Variants in SHROOM4 observed in about 807,000 individuals in gnomAD.
SHROOM4 encodes the protein shroom family member 4.
SHROOM4 carries 17 observed loss-of-function variants against 80.3 expected under a neutral mutation model. That is an observed-to-expected ratio of 0.21 (90% CI 0.14 to 0.32). SHROOM4 has a LOEUF of 0.32. SHROOM4 is among the 10% of genes least tolerant of loss of function. The pLI is 1.00. For missense variants in SHROOM4, 993 were observed against 1,140.3 expected (o/e 0.87, Z 1.86); for synonymous variants, 400 against 437.5 (o/e 0.91, Z 1.07).
chrX:50,711,984 T>G (rs1400278913), intron 1 of SHROOM4, among the ~76,000 whole-genome samples: 3 of 112,173 alleles, frequency 2.7e-5, no homozygotes, highest in African/African-American at 9.7e-5. Flanking sequence ...TGAAACCTGT[T>G]TCCTTATTTG....
In SHROOM4 at chrX:50,617,460, A is replaced by G. The variant is rs782657613; in HGVS notation, c.2958-9276T>C. Among the ~76,000 whole-genome samples, 9 of 111,721 alleles carry G rather than the reference A, an allele frequency of 8.1e-5. No homozygotes were observed. In the East Asian group the frequency reaches 1.7e-3, roughly 21 times the overall value. ...ACTAGCCAGGAGGCCCTAGTTTACT[A>G]AGGAGTTTAAGCCTGGACTCATTCA... On this transcript the variant is annotated intron_variant, in intron 5 of 8. Transcript: ENST00000376020.
At chrX:50,635,943 C>T (rs903434229) in intron 3 of SHROOM4, among the ~76,000 whole-genome samples, 1 of 110,896 alleles carries the variant, frequency 9.0e-6, no homozygotes, top group Non-Finnish European at 1.9e-5. Context: ...CCTCTATTTC[C>T]CTGACATTAG....
intron 1 of SHROOM4, among the ~76,000 whole-genome samples, chrX:50,812,155 T>TGG (rs1267481922): frequency 9.3e-6 from 1 of 107,479 alleles, no homozygotes; most frequent in Non-Finnish European, 1.9e-5. Flanking sequence ...GGAAATTCTG[T>TGG]GGGCGGTGTG....
chrX:50,774,673 GAA>G (rs370357194), intron 1 of SHROOM4, among the ~76,000 whole-genome samples: 4,443 of 66,909 alleles, frequency 0.066, 130 homozygotes, highest in African/African-American at 0.13. Flanking sequence ...GAAAGATTTA[GAA>G]AAAAAAAAAA....
chrX:50,598,280 C>A lies in SHROOM4; in HGVS notation c.4198G>T (p.Ala1400Ser). 1 of 1,211,706 alleles carries A rather than the reference C, an allele frequency of 8.3e-7. No homozygotes were observed. Among genetic ancestry groups the A allele is most frequent in the Non-Finnish European group, 1.1e-6 (1 of 895,534 alleles). The change falls in exon 8 of 9, where the codon GCC becomes TCC. Residue 1400 changes from alanine to serine, a missense_variant. Transcript: ENST00000376020. ...CCCAACTCTACCTTCTCCTGGTTGG[C>A]CTCTGAATCGATGCTGTTCAGAGCA... is the stretch of plus-strand genomic sequence containing the variant. ...ENALNSIDSE[A>S]NQEKLVLIEK... is the part of the protein sequence containing the mutation.
At chrX:50,653,550 C>G (rs887204505) in intron 2 of SHROOM4, among the ~76,000 whole-genome samples, 2 of 111,264 alleles carry the variant, frequency 1.8e-5, no homozygotes, top group Admixed American at 9.6e-5. Flanking sequence ...ATTTGAATAC[C>G]CTTTATTTCC....
At chrX:50,689,913 C>T (rs1435619973) in intron 2 of SHROOM4, among the ~76,000 whole-genome samples, 1 of 111,683 alleles carries the variant, frequency 9.0e-6, no homozygotes, top group Non-Finnish European at 1.9e-5. Flanking sequence ...TTTCTTAGAG[C>T]AGTCTGTCAG....
At chrX:50,581,195 A>G in the SHROOM4 span, among the ~76,000 whole-genome samples, 1 of 112,485 alleles carries the variant, frequency 8.9e-6, no homozygotes, top group African/African-American at 3.2e-5. Context: ...GCAGTGTGAT[A>G]GTACTTGGGA....
At chrX:50,735,518 G>C (rs1236083506) in intron 1 of SHROOM4, among the ~76,000 whole-genome samples, 1 of 111,307 alleles carries the variant, frequency 9.0e-6, no homozygotes, top group Non-Finnish European at 1.9e-5. Context: ...ACACTATAAA[G>C]TGAAAAGGCA....
At chrX:50,731,782 T>C (rs782628912) in intron 1 of SHROOM4, among the ~76,000 whole-genome samples, 58 of 111,879 alleles carry the variant, frequency 5.2e-4, no homozygotes, top group African/African-American at 1.9e-3. Flanking sequence ...TAAAAATGGA[T>C]AGCTACTAAT....
Position 50,653,279 on chromosome X carries a change from G to A in SHROOM4, c.270-14971C>T, listed in dbSNP as rs191204807. Among the ~76,000 whole-genome samples the A allele has an allele frequency of 8.9e-4, 99 of 110,858 alleles. 1 individual carries two copies. The highest frequency in any genetic ancestry group is 2.1e-3 in the Admixed American group (22 of 10,383). ...TTTGTAGTTCTCCTTGAGGTCCTTC[G>A]CATCCCTTGTAAGTTGTATTCCTAG... On this transcript the variant is annotated intron_variant, in intron 2 of 8. Transcript: ENST00000376020.
chrX:50,715,988 G>A (rs1933940503), intron 1 of SHROOM4, among the ~76,000 whole-genome samples: 1 of 110,555 alleles, frequency 9.0e-6, no homozygotes, highest in African/African-American at 3.3e-5. Flanking sequence ...TAAAGAAAAT[G>A]TGGTAGATAT....
chrX:50,611,737 T>C (rs1465147878), intron 5 of SHROOM4, among the ~76,000 whole-genome samples: 1 of 110,288 alleles, frequency 9.1e-6, no homozygotes, highest in East Asian at 2.9e-4. Flanking sequence ...CTGTCCAACA[T>C]GGTAAAACCC....
At chrX:50,695,765 G>A in intron 2 of SHROOM4, 21 bp downstream of exon 2, 1 of 1,210,555 alleles carries the variant, frequency 8.3e-7, no homozygotes, top group Non-Finnish European at 1.1e-6. Flanking sequence ...GCACCTTACG[G>A]AGAATCTCCC....
At chrX:50,656,125 A>G (rs1246185048) in intron 2 of SHROOM4, among the ~76,000 whole-genome samples, 1 of 111,169 alleles carries the variant, frequency 9.0e-6, no homozygotes, top group Non-Finnish European at 1.9e-5. Flanking sequence ...CTTACTATTG[A>G]CTTGTTTGAT....
chrX:50,797,236 CAG>C (rs1557272195), intron 1 of SHROOM4, among the ~76,000 whole-genome samples: 2 of 111,073 alleles, frequency 1.8e-5, no homozygotes, highest in Non-Finnish European at 3.8e-5. Context: ...ATACTGGCAG[CAG>C]AGTTTGGAGA....
intron 2 of SHROOM4, among the ~76,000 whole-genome samples, chrX:50,652,795 T>G (rs1455250526): frequency 4.4e-5 from 5 of 112,367 alleles, no homozygotes; most frequent in Non-Finnish European, 9.4e-5. Context: ...GGCTAGCCAG[T>G]TTTCCCAATA....
intron 1 of SHROOM4, among the ~76,000 whole-genome samples, chrX:50,795,051 GAT>G (rs57853672): frequency 2.0e-3 from 5 of 2,513 alleles, no homozygotes; most frequent in African/African-American, 2.3e-3. Flanking sequence ...ATATATATAT[GAT>G]ATATATATGA....
At chrX:50,762,306 T>A (rs1602495076) in intron 1 of SHROOM4, among the ~76,000 whole-genome samples, 1 of 111,993 alleles carries the variant, frequency 8.9e-6, no homozygotes, top group African/African-American at 3.3e-5. Flanking sequence ...CACTGCAACT[T>A]CCTTCCCTTC....
Sources: gnomAD v4.1 joint callset for allele counts (sites outside exome capture counted in the v4.1 genomes callset) on GRCh38, gnomAD v4.1.1 for gene constraint, MANE v1.5 for transcripts, NCBI Gene and HGNC (gene_info 2026-07-23, HGNC 2026-07-21) for gene names.